MYL10: variants seen among roughly 807,000 people sequenced by gnomAD.
MYL10 encodes the protein myosin light chain 10.
In MYL10, 18 loss-of-function variants were observed where a neutral mutation model predicts 21.9. That is an observed-to-expected ratio of 0.82 (90% CI 0.57 to 1.22). MYL10 has a LOEUF of 1.22. Ranked by LOEUF, MYL10 falls within the 50% of genes most tolerant of loss-of-function variation. The pLI is 0.00. For synonymous variants in MYL10, 88 were observed against 82.8 expected, an observed-to-expected ratio of 1.06 and a Z score of -0.34; for missense variants, 225 against 230.4, an observed-to-expected ratio of 0.98 and a Z score of 0.15.
chr7:101,624,368 T>G, intron 1 of MYL10, 104 bp from the exon 2 acceptor site: 1 of 818,012 alleles, frequency 1.2e-6, no homozygotes, highest in Non-Finnish European at 2.0e-6. Context: ...TGACACCGCT[T>G]TGCCCTTCCC....
chr7:101,613,620 A>G, intron 7 of MYL10, 42 bp downstream of exon 7: 1 of 1,613,796 alleles, frequency 6.2e-7, no homozygotes, highest in Admixed American at 1.7e-5. Context: ...AGTGGGGGCC[A>G]GAGCAGAGAA....
At chr7:101,618,710 C>G (rs959390282) in intron 5 of MYL10, among the ~76,000 whole-genome samples, 1 of 152,206 alleles carries the variant, frequency 6.6e-6, no homozygotes. Context: ...CCCTGCCCTC[C>G]CGGCTCCTGT....
chr7:101,620,076 G>A (rs1413632226), intron 5 of MYL10, among the ~76,000 whole-genome samples: 1 of 151,704 alleles, frequency 6.6e-6, no homozygotes, highest in African/African-American at 2.4e-5. Context: ...AATCCCAGCA[G>A]TTTGGGAGGC....
chr7:101,616,603 C>T (rs1429716733), intron 5 of MYL10, among the ~76,000 whole-genome samples: 1 of 152,224 alleles, frequency 6.6e-6, no homozygotes, highest in Non-Finnish European at 1.5e-5. Flanking sequence ...TGTGCTTAGC[C>T]CTTCCCTATT....
chr7:101,616,959 A>T (rs1165846038), intron 5 of MYL10, among the ~76,000 whole-genome samples: 2 of 152,266 alleles, frequency 1.3e-5, no homozygotes, highest in Admixed American at 6.5e-5. Flanking sequence ...AGATGTCATT[A>T]GAAGAAATTA....
chr7:101,623,045 C>T lies in MYL10; in HGVS notation c.301G>A (p.Asp101Asn), dbSNP rs375413226. Residue 101 changes from aspartate to asparagine, a missense_variant, in exon 4 of 8, where the codon GAT becomes AAT. Coordinates refer to ENST00000223167, the MANE Select transcript of MYL10 (RefSeq NM_138403.5). The stretch of plus-strand genomic sequence containing the variant: ...AAGTCCTCTTTGTCGATGAAGCCAT[C>T]ACGGTTCTGGTCCATGATGGTGAAA... ...QAFTIMDQNR[D>N]GFIDKEDLRD... 27 of 1,613,978 alleles carry T rather than the reference C, an allele frequency of 1.7e-5. No individual in the cohort carries two copies. The highest frequency in any genetic ancestry group is 2.2e-5 in the Non-Finnish European group (26 of 1,180,028).
At chr7:101,625,488 C>A (rs2130744198) in intron 1 of MYL10, among the ~76,000 whole-genome samples, 1 of 152,142 alleles carries the variant, frequency 6.6e-6, no homozygotes, top group East Asian at 1.9e-4. Flanking sequence ...TGTCTACCTG[C>A]CCCCACCAGA....
At chr7:101,615,903 T>C (rs1796604229) in intron 6 of MYL10, among the ~76,000 whole-genome samples, 1 of 151,928 alleles carries the variant, frequency 6.6e-6, no homozygotes, top group Non-Finnish European at 1.5e-5. Flanking sequence ...TTTGCTGTGT[T>C]GGCCAGGGTG....
intron 1 of MYL10, among the ~76,000 whole-genome samples, chr7:101,628,192 G>A (rs1562827929): frequency 6.6e-6 from 1 of 152,176 alleles, no homozygotes; most frequent in South Asian, 2.1e-4. Context: ...AGTGGCTCAC[G>A]CCTGTAATCC....
chr7:101,622,841 TC>T (rs1399988541), intron 4 of MYL10, among the ~76,000 whole-genome samples, 155 bp downstream of exon 4: 4 of 149,442 alleles, frequency 2.7e-5, no homozygotes, highest in Non-Finnish European at 5.9e-5. Flanking sequence ...CCCAGGAAGG[TC>T]CCCCCCTGAC....
rs190708892 is a variant in MYL10, at chr7:101,617,889, C to A, written c.455-1591G>T. On this transcript the variant is annotated intron_variant, in intron 5 of 7. Transcript: ENST00000223167. ...CTGTGCCTCTTCCATCAGACTGGGT[C>A]AGAGCCAAGTGTGCTTCCCCCCTCA... Among the ~76,000 whole-genome samples the A allele has an allele frequency of 2.3e-3, 348 of 151,866 alleles. 1 individual carries two copies. Among genetic ancestry groups the A allele is most frequent in the African/African-American group, 8.1e-3 (334 of 41,396 alleles).
At position 101,615,239 on chromosome 7, in the gene MYL10, C is replaced by T. The variant is rs540309620; in HGVS notation, c.533+981G>A. On this transcript the variant is annotated intron_variant, in intron 6 of 7. Coordinates refer to ENST00000223167, the MANE Select transcript of MYL10 (RefSeq NM_138403.5). The stretch of plus-strand genomic sequence containing the variant: ...CTACGATCTGGCTCAGTCCTCTCCC[C>T]AGACCCTGGATCCTATGGGCACTGG... Among the ~76,000 whole-genome samples the T allele has an allele frequency of 6.6e-5, 10 of 152,270 alleles. No individual in the cohort carries two copies. The South Asian group carries it at 1.7e-3, about 25-fold the overall frequency.
At chr7:101,622,833 C>G (rs905273174) in intron 4 of MYL10, among the ~76,000 whole-genome samples, 164 bp downstream of exon 4, 1 of 152,126 alleles carries the variant, frequency 6.6e-6, no homozygotes, top group South Asian at 2.1e-4. Flanking sequence ...TCCAACCCCC[C>G]AGGAAGGTCC....
At chr7:101,621,658 G>A (rs372539919) in intron 5 of MYL10, among the ~76,000 whole-genome samples, 41 of 151,950 alleles carry the variant, frequency 2.7e-4, no homozygotes, top group African/African-American at 8.7e-4. Context: ...GTGCGATCTC[G>A]GCTCACTGCA....
At chr7:101,616,719 G>T (rs544140449) in intron 5 of MYL10, among the ~76,000 whole-genome samples, 1 of 152,286 alleles carries the variant, frequency 6.6e-6, no homozygotes, top group East Asian at 1.9e-4. Flanking sequence ...TGGGGCTCAC[G>T]TGTTACCCAA....
chr7:101,625,100 G>A (rs1408832287), intron 1 of MYL10, among the ~76,000 whole-genome samples: 1 of 152,158 alleles, frequency 6.6e-6, no homozygotes, highest in Non-Finnish European at 1.5e-5. Flanking sequence ...GCTCAAAGTG[G>A]GGATCAGCCA....
intron 1 of MYL10, among the ~76,000 whole-genome samples, chr7:101,625,178 C>T (rs902870987): frequency 2.6e-5 from 4 of 152,180 alleles, no homozygotes; most frequent in African/African-American, 4.8e-5. Flanking sequence ...AGGCCACCCA[C>T]GTTGAGTAGT....
intron 6 of MYL10, among the ~76,000 whole-genome samples, chr7:101,615,050 G>T (rs1011601969): frequency 1.3e-5 from 2 of 152,138 alleles, no homozygotes; most frequent in African/African-American, 4.8e-5. Context: ...GCAATTCTTG[G>T]CTCTCTGTTC....
intron 6 of MYL10, 43 bp from the exon 7 acceptor site, chr7:101,613,753 C>A: frequency 6.2e-7 from 1 of 1,602,544 alleles, no homozygotes; most frequent in Non-Finnish European, 8.5e-7. Flanking sequence ...GAACGGGATA[C>A]CCAGCTTGAA....
Sources: allele counts gnomAD v4.1 joint callset (sites outside exome capture counted in the v4.1 genomes callset), GRCh38; gene constraint gnomAD v4.1.1; transcripts MANE v1.5; gene names NCBI Gene and HGNC (gene_info 2026-07-23, HGNC 2026-07-21).